PECR: variants seen among roughly 807,000 people sequenced by gnomAD.
PECR encodes peroxisomal trans-2-enoyl-CoA reductase.
In PECR, 30 loss-of-function variants were observed where a neutral mutation model predicts 35.3. That is an observed-to-expected ratio of 0.85 (90% confidence interval 0.64 to 1.15). The LOEUF (loss-of-function observed/expected upper bound fraction) is 1.15, where lower values mean the gene tolerates loss of function less well. PECR is among the 50% of genes most tolerant of loss of function. The probability of loss-of-function intolerance (pLI) is 0.00; values close to 1 mark genes in which losing one functional copy is unlikely to be tolerated. For missense variants in PECR, 392 were observed against 370.8 expected, an observed-to-expected ratio of 1.06 and a Z score of -0.47; for synonymous variants, 148 against 138.9, an observed-to-expected ratio of 1.07 and a Z score of -0.46.
Position 216,056,895 on chromosome 2 carries a change from C to G in PECR, c.506+2000G>C, listed in dbSNP as rs562907754. 1.1e-4 allele frequency among the ~76,000 whole-genome samples: 16 copies of G among 152,062 alleles called. No homozygotes were observed. In the South Asian group the frequency reaches 3.3e-3, roughly 32 times the overall value. ...GTCATGGTCCAAAGTGTGAAGGCCA[C>G]TGGAAAAGGAAACGATTCTTAAGAG... is the stretch of plus-strand genomic sequence containing the variant. On this transcript the variant is annotated intron_variant, in intron 4 of 7. Coordinates refer to ENST00000265322, the MANE Select transcript of PECR (RefSeq NM_018441.6).
At chr2:216,065,076 A>T in intron 3 of PECR, 1 of 548,670 alleles carries the variant, frequency 1.8e-6, no homozygotes, top group Non-Finnish European at 3.3e-6. Context: ...TGTACAGATC[A>T]TTAATAATTT....
chr2:216,030,934 TCTCTCTCTCTCTCTC>T lies in PECR; in HGVS notation c.*440+8242_*440+8256del, dbSNP rs1434375346. The stretch of plus-strand genomic sequence containing the variant: ...AGCCCACTATGAGGCCCATTCTCTC[TCTCTCTCTCTCTCTC>T]TCTCTCTCACACACACACACACACA... On this transcript the variant is annotated intron_variant and NMD_transcript_variant, in intron 7 of 7. Coordinates refer to the PECR transcript ENST00000442122. 8.1e-4 allele frequency among the ~76,000 whole-genome samples: 28 copies of T among 34,418 alleles called. No homozygotes were observed. In the East Asian group the frequency reaches 0.038, roughly 46 times the overall value. The allele number at this position is 34,418 out of a possible 152,430, so 22.6% of individuals were successfully genotyped here.
At chr2:216,046,992 G>A (rs1695008814) in intron 6 of PECR, among the ~76,000 whole-genome samples, 2 of 152,164 alleles carry the variant, frequency 1.3e-5, no homozygotes, top group Admixed American at 1.3e-4. Context: ...AATAGGCCAG[G>A]CGTGGTAGTT....
chr2:216,043,043 A>G (rs1349549848), intron 7 of PECR, among the ~76,000 whole-genome samples: 4 of 137,526 alleles, frequency 2.9e-5, no homozygotes, highest in Non-Finnish European at 4.6e-5. Context: ...GTATGTGTAT[A>G]TATATATACA....
intron 1 of PECR, among the ~76,000 whole-genome samples, chr2:216,068,150 C>T (rs1695504832): frequency 6.7e-6 from 1 of 149,884 alleles, no homozygotes; most frequent in African/African-American, 2.5e-5. Context: ...TTGCTTGAAC[C>T]CGGGAGGCAG....
At chr2:216,072,511 C>T (rs935269299) in intron 1 of PECR, among the ~76,000 whole-genome samples, 25 of 152,304 alleles carry the variant, frequency 1.6e-4, no homozygotes, top group African/African-American at 4.1e-4. Context: ...TCAACCCTCA[C>T]TCCCCTGCTT....
rs200499905 is a variant in PECR, at chr2:216,031,561, GGGAA to G, written c.*440+7626_*440+7629del. 4.2e-3 allele frequency among the ~76,000 whole-genome samples: 576 copies of G among 137,670 alleles called. 7 individuals carry two copies. Among genetic ancestry groups the G allele is most frequent in the African/African-American group, 0.014 (535 of 37,136 alleles). The allele number at this position is 137,670 out of a possible 152,430, so 90.3% of individuals were successfully genotyped here. On this transcript the variant is annotated intron_variant and NMD_transcript_variant, in intron 7 of 7. Coordinates refer to the PECR transcript ENST00000442122. ...AAGGAAGGAAGGAAAGAGGGAGGGA[GGGAA>G]GGAAGGAAGGAAAGAAAGAAGGAAA...
At chr2:216,069,417 T>C (rs908096260) in intron 1 of PECR, among the ~76,000 whole-genome samples, 1 of 152,010 alleles carries the variant, frequency 6.6e-6, no homozygotes, top group Admixed American at 6.6e-5. Context: ...CCAACAAACA[T>C]GAAAAGTGAG....
At chr2:216,080,746 T>C (rs1695822688) in intron 1 of PECR, among the ~76,000 whole-genome samples, 1 of 152,264 alleles carries the variant, frequency 6.6e-6, no homozygotes, top group African/African-American at 2.4e-5. Context: ...TATTTTTTCA[T>C]ATGTTTCTTG....
chr2:216,066,826 T>C (rs757981681), intron 1 of PECR, among the ~76,000 whole-genome samples: 8 of 152,162 alleles, frequency 5.3e-5, no homozygotes, highest in Non-Finnish European at 1.0e-4. Flanking sequence ...GTTCTGGGAC[T>C]ACAGGCACAA....
chr2:216,070,072 TATC>T (rs1360188705), intron 1 of PECR, among the ~76,000 whole-genome samples: 2 of 152,168 alleles, frequency 1.3e-5, no homozygotes, highest in Non-Finnish European at 2.9e-5. Context: ...GCTTGCTCTA[TATC>T]ATAAGGTATA....
chr2:216,052,666 G>A (rs1306778170), intron 4 of PECR, among the ~76,000 whole-genome samples: 1 of 152,156 alleles, frequency 6.6e-6, no homozygotes, highest in African/African-American at 2.4e-5. Context: ...ATATGATTAT[G>A]ATGTGCCTTG....
rs148482330 is a variant in PECR at position 216,056,189 on chromosome 2, C to T, written c.506+2706G>A. ...GATGTATCTTGCACATGTACCTGTA[C>T]TGGTCAAGTAAACAAGCGACAGCCA... is the stretch of plus-strand genomic sequence containing the variant. On this transcript the variant is annotated intron_variant, in intron 4 of 7. Coordinates refer to ENST00000265322, the MANE Select transcript of PECR (RefSeq NM_018441.6). Among the ~76,000 whole-genome samples, 796 of 152,094 alleles carry T rather than the reference C, an allele frequency of 5.2e-3. 5 individuals are homozygous for T. The highest frequency in any genetic ancestry group is 8.2e-3 in the Non-Finnish European group (556 of 68,014).
rs531280729 is a variant in PECR, at chr2:216,032,622, T to G, written c.*440+6569A>C. 5.3e-5 allele frequency among the ~76,000 whole-genome samples: 8 copies of G among 152,300 alleles called. No individual in the cohort carries two copies. In the South Asian group the frequency reaches 1.7e-3, roughly 32 times the overall value. On this transcript the variant is annotated intron_variant and NMD_transcript_variant, in intron 7 of 7. Coordinates refer to the PECR transcript ENST00000442122. ...CTATTTGGGACCTGGTCTTCCACTC[T>G]CTCTGCCACACTCATGAACCACCAT...
chr2:216,078,917 C>T (rs1212270109), intron 1 of PECR, among the ~76,000 whole-genome samples: 1 of 151,052 alleles, frequency 6.6e-6, no homozygotes, highest in East Asian at 1.9e-4. Context: ...AAATAGCACA[C>T]TTATGCAACA....
intron 7 of PECR, among the ~76,000 whole-genome samples, chr2:216,041,874 C>G (rs765603541): frequency 6.6e-6 from 1 of 152,216 alleles, no homozygotes; most frequent in Non-Finnish European, 1.5e-5. Context: ...AGGTTCCTGG[C>G]AGGTGGTGGG....
chr2:216,079,185 T>C (rs1695773605), intron 1 of PECR, among the ~76,000 whole-genome samples: 1 of 151,864 alleles, frequency 6.6e-6, no homozygotes, highest in Non-Finnish European at 1.5e-5. Flanking sequence ...AACATAGATT[T>C]TTTTTTTTTA....
intron 1 of PECR, among the ~76,000 whole-genome samples, chr2:216,070,034 A>G (rs995491478): frequency 6.6e-6 from 1 of 152,336 alleles, no homozygotes; most frequent in Non-Finnish European, 1.5e-5. Context: ...AAAGGAGTAC[A>G]ATAATTTAAC....
intron 7 of PECR, among the ~76,000 whole-genome samples, chr2:216,039,823 A>T (rs1158890805): frequency 1.3e-5 from 2 of 152,204 alleles, no homozygotes; most frequent in African/African-American, 4.8e-5. Flanking sequence ...AGAAGGTGCC[A>T]GGGAAGCTTG....
Sources: gnomAD v4.1 joint callset for allele counts (sites outside exome capture counted in the v4.1 genomes callset) on GRCh38, gnomAD v4.1.1 for gene constraint, MANE v1.5 for transcripts, NCBI Gene and HGNC (gene_info 2026-07-23, HGNC 2026-07-21) for gene names.